YES1: variants seen among roughly 807,000 people sequenced by gnomAD.
YES1 encodes the protein tyrosine-protein kinase Yes.
In YES1, 39 loss-of-function variants were observed where a neutral mutation model predicts 70.4. The ratio of observed to expected loss-of-function variants is 0.55; its 90% CI spans 0.43 to 0.72. The LOEUF (loss-of-function observed/expected upper bound fraction) is 0.72. Among genes scored for constraint, YES1 ranks in the 30% least tolerant of loss-of-function variants. The probability of loss-of-function intolerance (pLI) is 0.00; values close to 1 mark genes in which losing one functional copy is unlikely to be tolerated. For missense variants in YES1, 495 were observed against 644.8 expected, an observed-to-expected ratio of 0.77 and a Z score of 2.52; for synonymous variants, 198 against 218.6, an observed-to-expected ratio of 0.91 and a Z score of 0.83.
At chr18:748,497 A>G (rs527851173) in intron 3 of YES1, among the ~76,000 whole-genome samples, 1 of 152,110 alleles carries the variant, frequency 6.6e-6, no homozygotes, top group African/African-American at 2.4e-5. Context: ...GAATATTTTC[A>G]TCACCCCCAA....
chr18:755,904 T>C (rs946208014), intron 2 of YES1, among the ~76,000 whole-genome samples: 3 of 152,150 alleles, frequency 2.0e-5, no homozygotes, highest in Non-Finnish European at 4.4e-5. Context: ...CTTTTAAAAT[T>C]GTTTGAATCT....
chr18:737,843 G>A (rs1306393614), intron 9 of YES1, among the ~76,000 whole-genome samples: 1 of 152,162 alleles, frequency 6.6e-6, no homozygotes, highest in Non-Finnish European at 1.5e-5. Flanking sequence ...CCTCAGCCTA[G>A]TGAGTAGCTG....
chr18:775,036 A>G (rs1905310126), intron 1 of YES1: 1 of 152,206 alleles, frequency 6.6e-6, no homozygotes, highest in Non-Finnish European at 1.5e-5. Context: ...GTCTGGGTGC[A>G]AAGTCTGAGT....
intron 8 of YES1, among the ~76,000 whole-genome samples, chr18:741,542 A>G (rs2080217038): frequency 6.6e-6 from 1 of 151,508 alleles, no homozygotes; most frequent in Non-Finnish European, 1.5e-5. Flanking sequence ...GGTGGCTCAC[A>G]CCTGTAATCC....
intron 2 of YES1, among the ~76,000 whole-genome samples, chr18:753,478 A>G (rs976308385): frequency 4.6e-5 from 7 of 152,236 alleles, no homozygotes; most frequent in Admixed American, 4.6e-4. Context: ...CTGACTTGTC[A>G]GATCAAAAAA....
At chr18:743,766 C>G (rs2080242946) in intron 6 of YES1, among the ~76,000 whole-genome samples, 6 of 151,680 alleles carry the variant, frequency 4.0e-5, no homozygotes, top group Admixed American at 3.9e-4. Context: ...GTTAGCCGGG[C>G]ATGGTGGTGC....
intron 1 of YES1, among the ~76,000 whole-genome samples, chr18:786,874 A>G (rs1436000820): frequency 6.6e-6 from 1 of 152,038 alleles, no homozygotes; most frequent in Non-Finnish European, 1.5e-5. Context: ...ACACACATAT[A>G]ACAAGGTTAC....
chr18:722,710 C>G lies in YES1; in HGVS notation c.*1714G>C, dbSNP rs897440510. 6.6e-6 allele frequency: 1 copy of G among 152,240 alleles called. No individual in the cohort carries two copies. Among genetic ancestry groups the G allele is most frequent in the East Asian group, 1.9e-4 (1 of 5,184 alleles). The allele number at this position is 152,240 out of a possible 1,614,324, so 9.4% of individuals were successfully genotyped here. ...GTAAAAACTGTCCCCTTTTCACCACCGTTAATATTCAGAATAAGTTTTCCT... is the reference window on the plus strand; with the variant it reads ...GTAAAAACTGTCCCCTTTTCACCACGGTTAATATTCAGAATAAGTTTTCCT... On this transcript the variant is annotated 3_prime_UTR_variant, in exon 12 of 12. Coordinates refer to ENST00000314574, the MANE Select transcript of YES1 (RefSeq NM_005433.4).
chr18:766,179 G>A (rs145620413), intron 1 of YES1, among the ~76,000 whole-genome samples: 274 of 152,212 alleles, frequency 1.8e-3, no homozygotes, highest in African/African-American at 6.3e-3. Flanking sequence ...CCAGCCCTAC[G>A]TAGTAAATAT....
At chr18:788,887 C>T (rs1176384631) in intron 1 of YES1, among the ~76,000 whole-genome samples, 1 of 152,148 alleles carries the variant, frequency 6.6e-6, no homozygotes, top group Non-Finnish European at 1.5e-5. Flanking sequence ...GATCTCTCCA[C>T]TGCACTCCAG....
intron 1 of YES1, among the ~76,000 whole-genome samples, chr18:772,893 T>A (rs1186630417): frequency 2.0e-5 from 3 of 152,226 alleles, no homozygotes; most frequent in Non-Finnish European, 4.4e-5. Context: ...ATTGCCTGTT[T>A]CTGAGTTTGC....
chr18:727,467 G>A (rs2080034292), intron 11 of YES1, among the ~76,000 whole-genome samples: 1 of 152,134 alleles, frequency 6.6e-6, no homozygotes, highest in African/African-American at 2.4e-5. Context: ...TATGGATGTA[G>A]TTGGGTTTAA....
chr18:791,923 C>T (rs989515308), intron 1 of YES1, among the ~76,000 whole-genome samples: 1 of 151,900 alleles, frequency 6.6e-6, no homozygotes, highest in Non-Finnish European at 1.5e-5. Context: ...GGGGTGTTGG[C>T]GTGCACCTGT....
chr18:807,643 G>A (rs1173701880), intron 1 of YES1, among the ~76,000 whole-genome samples: 2 of 152,220 alleles, frequency 1.3e-5, no homozygotes, highest in African/African-American at 4.8e-5. Context: ...AGCTGATAAC[G>A]TATTTGCAAC....
At chr18:760,037 A>G (rs1904504563) in intron 1 of YES1, among the ~76,000 whole-genome samples, 1 of 151,926 alleles carries the variant, frequency 6.6e-6, no homozygotes, top group Admixed American at 6.6e-5. Flanking sequence ...AAGGACGTGA[A>G]CTCATCCTTT....
intron 11 of YES1, among the ~76,000 whole-genome samples, chr18:727,358 T>G (rs1312802297): frequency 6.6e-6 from 1 of 152,214 alleles, no homozygotes; most frequent in African/African-American, 2.4e-5. Flanking sequence ...CCTTAAAGTA[T>G]GTATCTTATA....
intron 1 of YES1, among the ~76,000 whole-genome samples, chr18:800,270 A>G (rs546955732): frequency 3.7e-4 from 56 of 152,350 alleles, no homozygotes; most frequent in Middle Eastern, 3.4e-3. Context: ...TGTTCCTACA[A>G]TCAAAAATAT....
At chr18:748,898 A>G (rs994275206) in intron 3 of YES1, among the ~76,000 whole-genome samples, 13 of 152,198 alleles carry the variant, frequency 8.5e-5, no homozygotes, top group Admixed American at 7.9e-4. Flanking sequence ...TAGTGGCTCA[A>G]GCCTGTAATC....
intron 1 of YES1, among the ~76,000 whole-genome samples, chr18:773,956 C>T (rs1181078204): frequency 3.3e-5 from 5 of 152,048 alleles, no homozygotes; most frequent in South Asian, 2.1e-4. Flanking sequence ...CTCAGCCTCC[C>T]GAGTAGCTGG....
Sources: allele counts gnomAD v4.1 joint callset (sites outside exome capture counted in the v4.1 genomes callset), GRCh38; gene constraint gnomAD v4.1.1; transcripts MANE v1.5; gene names NCBI Gene and HGNC (gene_info 2026-07-23, HGNC 2026-07-21).